The following PDE4D variants were observed in gnomAD, a reference collection of about 807,000 sequenced individuals.
PDE4D encodes 3',5'-cyclic-AMP phosphodiesterase 4D.
Under a neutral mutation model 87.4 loss-of-function variants are expected in PDE4D, and 24 were observed. The observed-to-expected ratio is 0.27, with a 90% CI of 0.20 to 0.39. PDE4D has a LOEUF of 0.39. Among genes scored for constraint, PDE4D ranks in the 10% least tolerant of loss-of-function variants. The pLI is 1.00. For missense variants in PDE4D, 714 were observed against 1,041.0 expected, an observed-to-expected ratio of 0.69 and a Z score of 4.32; for synonymous variants, 384 against 383.2, an observed-to-expected ratio of 1.00 and a Z score of -0.02.
chr5:60,376,602 C>T (rs1181657795), intron 1 of PDE4D, among the ~76,000 whole-genome samples: 1 of 152,226 alleles, frequency 6.6e-6, no homozygotes, highest in African/African-American at 2.4e-5. Flanking sequence ...CATTCCCCTC[C>T]AGGTAAAGTC....
At chr5:59,290,719 G>T (rs755652483) in intron 1 of PDE4D, among the ~76,000 whole-genome samples, 1 of 151,788 alleles carries the variant, frequency 6.6e-6, no homozygotes, top group Non-Finnish European at 1.5e-5. Context: ...TATATAAGAA[G>T]CTCAAACAAC....
chr5:59,993,261 A>ACT (rs1235510658), intron 2 of PDE4D, among the ~76,000 whole-genome samples: 5 of 152,168 alleles, frequency 3.3e-5, no homozygotes, highest in Non-Finnish European at 7.4e-5. Context: ...TGCATATTAA[A>ACT]GTTTGAGAAC....
At chr5:59,195,279 A>AT (rs1326692953) in intron 2 of PDE4D, among the ~76,000 whole-genome samples, 3 of 152,122 alleles carry the variant, frequency 2.0e-5, no homozygotes, top group African/African-American at 7.2e-5. Flanking sequence ...CAAAAAAAAA[A>AT]GGTCTTCTGA....
intron 1 of PDE4D, chr5:59,217,402 T>C: frequency 2.5e-5 from 10 of 393,862 alleles, no homozygotes; most frequent in South Asian, 1.9e-4. Context: ...ATAAATAGAG[T>C]TATGACTCTA....
intron 1 of PDE4D, among the ~76,000 whole-genome samples, chr5:60,254,488 G>T (rs1748832270): frequency 6.6e-6 from 1 of 151,874 alleles, no homozygotes; most frequent in Admixed American, 6.6e-5. Flanking sequence ...GAATCCATTT[G>T]CCCTGATGCC....
intron 2 of PDE4D, among the ~76,000 whole-genome samples, chr5:60,052,254 GAT>G (rs1770256319): frequency 6.6e-6 from 1 of 151,502 alleles, no homozygotes; most frequent in South Asian, 2.1e-4. Flanking sequence ...ATTTCAGGCC[GAT>G]ATCCCTGATG....
chr5:60,146,092 T>C (rs967793488), intron 2 of PDE4D, among the ~76,000 whole-genome samples: 13 of 152,178 alleles, frequency 8.5e-5, no homozygotes, highest in African/African-American at 3.1e-4. Context: ...CGTGCGCCTA[T>C]AGTCCCAGCT....
chr5:59,228,382 A>G (rs1754319164), intron 1 of PDE4D, among the ~76,000 whole-genome samples: 1 of 151,992 alleles, frequency 6.6e-6, no homozygotes, highest in Non-Finnish European at 1.5e-5. Context: ...CCTATATAAC[A>G]AACCTGCACA....
chr5:60,048,266 C>T (rs182869515), intron 2 of PDE4D, among the ~76,000 whole-genome samples: 226 of 152,228 alleles, frequency 1.5e-3, no homozygotes, highest in Middle Eastern at 3.4e-3. Flanking sequence ...TGTCTCTGCA[C>T]GTGAGATGGT....
intron 1 of PDE4D, among the ~76,000 whole-genome samples, chr5:60,308,303 T>C (rs889548031): frequency 1.3e-5 from 2 of 152,242 alleles, no homozygotes; most frequent in Admixed American, 6.5e-5. Flanking sequence ...CAATGTGTTC[T>C]ATAGTATAAT....
chr5:59,668,803 GA>G (rs1200922669), intron 1 of PDE4D, among the ~76,000 whole-genome samples: 44 of 112,922 alleles, frequency 3.9e-4, no homozygotes, highest in African/African-American at 1.4e-3. Flanking sequence ...AGAAGAAGAA[GA>G]AAGAAGAAGA....
intron 1 of PDE4D, among the ~76,000 whole-genome samples, chr5:59,856,516 C>T (rs1028671168): frequency 8.5e-5 from 13 of 152,108 alleles, no homozygotes; most frequent in South Asian, 4.1e-4. Context: ...TTTCAGAATA[C>T]GGGAAAATAC....
At chr5:59,131,527 C>A (rs979844287) in intron 5 of PDE4D, among the ~76,000 whole-genome samples, 1 of 151,278 alleles carries the variant, frequency 6.6e-6, no homozygotes, top group Non-Finnish European at 1.5e-5. Context: ...ACAGCACGGG[C>A]GTGTGGTATT....
At chr5:60,499,060 T>G (rs1188129861) in intron 1 of PDE4D, among the ~76,000 whole-genome samples, 2 of 152,166 alleles carry the variant, frequency 1.3e-5, no homozygotes, top group African/African-American at 2.4e-5. Flanking sequence ...CGCAGATCCT[T>G]GATGAAGACT....
intron 1 of PDE4D, among the ~76,000 whole-genome samples, chr5:59,446,827 T>C (rs1332395814): frequency 6.6e-6 from 1 of 152,232 alleles, no homozygotes; most frequent in African/African-American, 2.4e-5. Flanking sequence ...GTTTTTAAAA[T>C]AGTAAAACAA....
chr5:59,577,394 A>T (rs1401618472), intron 1 of PDE4D, among the ~76,000 whole-genome samples: 1 of 152,112 alleles, frequency 6.6e-6, no homozygotes. Context: ...TCAGTCCTGG[A>T]GGTGTTTGTT....
intron 1 of PDE4D, among the ~76,000 whole-genome samples, chr5:59,349,274 T>C (rs1181616149): frequency 6.6e-6 from 1 of 151,910 alleles, no homozygotes; most frequent in African/African-American, 2.4e-5. Flanking sequence ...AGTTTGAAAG[T>C]AGAAAAAATA....
intron 1 of PDE4D, among the ~76,000 whole-genome samples, chr5:59,442,111 G>A (rs56852282): frequency 0.067 from 10,190 of 152,222 alleles, 1,132 homozygotes; most frequent in African/African-American, 0.23. Flanking sequence ...TGTGTAAAGT[G>A]GGAAATGCAA....
intron 1 of PDE4D, among the ~76,000 whole-genome samples, chr5:59,236,736 C>A (rs137880208): frequency 3.1e-4 from 47 of 151,310 alleles, no homozygotes; most frequent in South Asian, 1.7e-3. Context: ...CCACTTTCTA[C>A]GCTGCTGTTG....
Sources: allele counts gnomAD v4.1 joint callset (sites outside exome capture counted in the v4.1 genomes callset), GRCh38; gene constraint gnomAD v4.1.1; transcripts MANE v1.5; gene names NCBI Gene and HGNC (gene_info 2026-07-23, HGNC 2026-07-21).